The following MSRA variants were observed in gnomAD, a reference collection of about 807,000 sequenced individuals.
The protein encoded by MSRA is mitochondrial peptide methionine sulfoxide reductase.
MSRA carries 54 observed loss-of-function variants against 31.3 expected under a neutral mutation model. That is an observed-to-expected ratio of 1.73 (90% CI 1.39 to 2.17). The LOEUF is 2.17. Among genes scored for constraint, MSRA ranks in the 30% most tolerant of loss-of-function variants. The pLI, the probability that MSRA is intolerant of heterozygous loss-of-function variation, is 0.00. For synonymous variants in MSRA, 169 were observed against 116.5 expected, an observed-to-expected ratio of 1.45 and a Z score of -2.90; for missense variants, 507 against 300.9, an observed-to-expected ratio of 1.69 and a Z score of -5.07.
chr8:10,155,000 T>TATATATATATATATATATATATATA (rs1554468796), intron 1 of MSRA, among the ~76,000 whole-genome samples: 54 of 98,436 alleles, frequency 5.5e-4, no homozygotes, highest in Admixed American at 8.2e-4. Flanking sequence ...TGTGTATATA[T>TATATATATATATATATATATATATA]TTTATATATA....
chr8:10,165,202 G>C (rs112975224), intron 1 of MSRA, among the ~76,000 whole-genome samples: 1 of 152,118 alleles, frequency 6.6e-6, no homozygotes, highest in Non-Finnish European at 1.5e-5. Context: ...TGCTTTATAC[G>C]TTTTGAGCTG....
chr8:10,205,770 A>G (rs1480445875), intron 1 of MSRA, among the ~76,000 whole-genome samples: 1 of 152,270 alleles, frequency 6.6e-6, no homozygotes, highest in Non-Finnish European at 1.5e-5. Flanking sequence ...GTCTTTTCAC[A>G]TAAATATTCA....
intron 3 of MSRA, 78 bp from the exon 4 acceptor site, chr8:10,301,455 TG>T (rs1326106169): frequency 4.3e-5 from 47 of 1,094,394 alleles, no homozygotes; most frequent in Non-Finnish European, 6.2e-5. Flanking sequence ...TTTTGTCTGT[TG>T]TTTTTTTTGT....
intron 5 of MSRA, chr8:10,411,401 G>A (rs1372060296): frequency 6.6e-6 from 1 of 152,136 alleles, no homozygotes; most frequent in African/African-American, 2.4e-5. Context: ...GGAGCTGGGA[G>A]CTAACGCATC....
intron 4 of MSRA, among the ~76,000 whole-genome samples, chr8:10,305,904 G>A (rs780849763): frequency 1.1e-4 from 17 of 152,234 alleles, no homozygotes; most frequent in Non-Finnish European, 2.9e-5. Flanking sequence ...TACTCATGTG[G>A]TCAGTAAGTG....
At chr8:10,117,641 A>G (rs547334251) in intron 1 of MSRA, among the ~76,000 whole-genome samples, 93 of 152,334 alleles carry the variant, frequency 6.1e-4, no homozygotes, top group Non-Finnish European at 1.1e-3. Context: ...GATGGTACTG[A>G]TGAGAGTGAA....
intron 5 of MSRA, among the ~76,000 whole-genome samples, chr8:10,388,601 C>T (rs765344519): frequency 2.6e-5 from 4 of 152,160 alleles, no homozygotes; most frequent in Admixed American, 6.5e-5. Context: ...CCTGAAGCTT[C>T]AGGAGGCCAA....
At chr8:10,105,662 G>A (rs563137942) in intron 1 of MSRA, among the ~76,000 whole-genome samples, 1 of 152,026 alleles carries the variant, frequency 6.6e-6, no homozygotes, top group African/African-American at 2.4e-5. Context: ...GAATAATCTC[G>A]GTGCAATAAG....
chr8:10,186,741 G>A (rs1359905052), intron 1 of MSRA, among the ~76,000 whole-genome samples: 1 of 152,184 alleles, frequency 6.6e-6, no homozygotes. Flanking sequence ...GTGGGGCGGG[G>A]AGAGGTCACA....
intron 1 of MSRA, among the ~76,000 whole-genome samples, chr8:10,128,057 C>A (rs1225756753): frequency 6.6e-6 from 1 of 151,964 alleles, no homozygotes; most frequent in Non-Finnish European, 1.5e-5. Flanking sequence ...TCTGTGTCTC[C>A]TTCTATTTTT....
intron 5 of MSRA, among the ~76,000 whole-genome samples, chr8:10,402,153 AT>A (rs1807505393): frequency 6.6e-6 from 1 of 152,164 alleles, no homozygotes; most frequent in Non-Finnish European, 1.5e-5. Context: ...GATCGTGAAC[AT>A]TGCTGAGGGT....
Position 10,129,455 on chromosome 8 carries a change from A to G in MSRA, c.142+74797A>G, listed in dbSNP as rs543516692. Among the ~76,000 whole-genome samples the G allele has an allele frequency of 2.2e-4, 34 of 152,324 alleles. 1 individual carries two copies. Among genetic ancestry groups the G allele is most frequent in the Admixed American group, 6.5e-4 (10 of 15,296 alleles). ...TGATGAGGTGAAATAATTTCTTGGA[A>G]TAATGAGTTTCCTTGATTCACCCTT... On this transcript the variant is annotated intron_variant, in intron 1 of 5. Coordinates refer to ENST00000317173, the MANE Select transcript of MSRA (RefSeq NM_012331.5).
chr8:10,265,938 C>G (rs1798725817), intron 3 of MSRA, among the ~76,000 whole-genome samples: 1 of 152,238 alleles, frequency 6.6e-6, no homozygotes, highest in African/African-American at 2.4e-5. Flanking sequence ...CAGCAGTTCA[C>G]TCCTTTTTCC....
At chr8:10,398,040 A>G (rs1807210541) in intron 5 of MSRA, among the ~76,000 whole-genome samples, 1 of 152,234 alleles carries the variant, frequency 6.6e-6, no homozygotes, top group Non-Finnish European at 1.5e-5. Flanking sequence ...TAATTAGAGC[A>G]TATTGACAAA....
chr8:10,096,327 G>A (rs992371861), intron 1 of MSRA: 4 of 1,068,722 alleles, frequency 3.7e-6, no homozygotes, highest in Non-Finnish European at 4.5e-6. Flanking sequence ...ATGTGAGCTT[G>A]GTCATTATTT....
intron 1 of MSRA, among the ~76,000 whole-genome samples, chr8:10,127,756 AG>A (rs1297310177): frequency 6.6e-6 from 1 of 152,262 alleles, no homozygotes; most frequent in African/African-American, 2.4e-5. Flanking sequence ...TAGAAGAAAT[AG>A]GTAATTTTAA....
chr8:10,396,030 T>G (rs1807076080), intron 5 of MSRA, among the ~76,000 whole-genome samples: 1 of 152,170 alleles, frequency 6.6e-6, no homozygotes, highest in African/African-American at 2.4e-5. Context: ...ATTGCCCATC[T>G]CTAAGGCAGC....
chr8:10,187,107 C>A (rs536316423), intron 1 of MSRA, among the ~76,000 whole-genome samples: 4 of 152,176 alleles, frequency 2.6e-5, no homozygotes, highest in South Asian at 4.1e-4. Context: ...GGGTACCTGG[C>A]AGCATGCTAC....
intron 1 of MSRA, among the ~76,000 whole-genome samples, chr8:10,120,554 A>G (rs576029813): frequency 5.3e-4 from 81 of 152,318 alleles, no homozygotes; most frequent in African/African-American, 1.7e-3. Flanking sequence ...CCTCACGTCA[A>G]TTCAGTTCAG....
Sources: gnomAD v4.1 joint callset for allele counts (sites outside exome capture counted in the v4.1 genomes callset) on GRCh38, gnomAD v4.1.1 for gene constraint, MANE v1.5 for transcripts, NCBI Gene and HGNC (gene_info 2026-07-23, HGNC 2026-07-21) for gene names.